The following CSMD1 variants were observed in gnomAD, a reference collection of about 807,000 sequenced individuals.
The protein encoded by CSMD1 is CUB and sushi domain-containing protein 1.
In CSMD1, 213 loss-of-function variants were observed where a neutral mutation model predicts 417.5. That is an observed-to-expected ratio of 0.51 (90% CI 0.46 to 0.57). The LOEUF is 0.57. Among genes scored for constraint, CSMD1 ranks in the 20% least tolerant of loss-of-function variants. The pLI is 0.00. For missense variants in CSMD1, 6,923 were observed against 4,529.7 expected, an observed-to-expected ratio of 1.53 and a Z score of -15.17; for synonymous variants, 2,862 against 1,736.8, an observed-to-expected ratio of 1.65 and a Z score of -16.11.
intron 2 of CSMD1, among the ~76,000 whole-genome samples, chr8:4,446,299 C>G (rs528682832): frequency 6.6e-6 from 1 of 152,164 alleles, no homozygotes; most frequent in Non-Finnish European, 1.5e-5. Flanking sequence ...CGTAATCCTG[C>G]TTCTTTGGGA....
intron 1 of CSMD1, among the ~76,000 whole-genome samples, chr8:4,956,709 A>G (rs918797673): frequency 6.6e-6 from 1 of 152,154 alleles, no homozygotes; most frequent in Non-Finnish European, 1.5e-5. Flanking sequence ...GATGAACTTA[A>G]TGTTCCAACA....
Position 4,746,388 on chromosome 8 carries a change from G to A in CSMD1, c.86-108830C>T, listed in dbSNP as rs1563277723. Among the ~76,000 whole-genome samples, 6 of 152,284 alleles carry A rather than the reference G, an allele frequency of 3.9e-5. 1 individual carries two copies. The highest frequency in any genetic ancestry group is 3.9e-4 in the Admixed American group (6 of 15,296). On this transcript the variant is annotated intron_variant, in intron 1 of 69. Coordinates refer to ENST00000635120, the MANE Select transcript of CSMD1 (RefSeq NM_033225.6). ...AAGCGTTAGTCCTTTTCATTATCCTGCAAATCTCATTTTAAGGCAAATGCA... is the reference window on the plus strand; with the variant it reads ...AAGCGTTAGTCCTTTTCATTATCCTACAAATCTCATTTTAAGGCAAATGCA...
In CSMD1 at chr8:4,131,095, G is replaced by A. The variant is rs568089221; in HGVS notation, c.416-98996C>T. ...CCTCAGAGAAGTGTGATTTCTAACTGCTGTTAAAAGGAGAACCACTGCTTA... is the reference window on the plus strand; with the variant it reads ...CCTCAGAGAAGTGTGATTTCTAACTACTGTTAAAAGGAGAACCACTGCTTA... On this transcript the variant is annotated intron_variant, in intron 3 of 69. Coordinates refer to ENST00000635120, the MANE Select transcript of CSMD1 (RefSeq NM_033225.6). Among the ~76,000 whole-genome samples the A allele has an allele frequency of 8.6e-4, 131 of 152,264 alleles. 1 individual carries two copies. Among genetic ancestry groups the A allele is most frequent in the Non-Finnish European group, 1.5e-3 (103 of 68,030 alleles).
chr8:3,689,040 A>G (rs1275201101), intron 7 of CSMD1, among the ~76,000 whole-genome samples: 1 of 152,222 alleles, frequency 6.6e-6, no homozygotes, highest in Non-Finnish European at 1.5e-5. Context: ...GCAGGAATCT[A>G]AGGGTCATCT....
At chr8:3,888,523 C>T (rs1806722145) in intron 5 of CSMD1, among the ~76,000 whole-genome samples, 1 of 152,134 alleles carries the variant, frequency 6.6e-6, no homozygotes, top group African/African-American at 2.4e-5. Context: ...TTGCTGGCTC[C>T]CCCATCTGAC....
chr8:3,526,534 G>A (rs1460229010), intron 10 of CSMD1, among the ~76,000 whole-genome samples: 1 of 152,164 alleles, frequency 6.6e-6, no homozygotes, highest in East Asian at 1.9e-4. Context: ...AAGCTCCCAG[G>A]AATGGGAACG....
rs1255448814 is a variant in CSMD1 at position 3,434,978 on chromosome 8, C to CCAGGGAGCTGGTAGCAGACAGGA, written c.1562-25396_1562-25374dup. 3.9e-4 allele frequency among the ~76,000 whole-genome samples: 60 copies of CCAGGGAGCTGGTAGCAGACAGGA among 152,252 alleles called. 1 individual carries two copies. The highest frequency in any genetic ancestry group is 7.4e-5 in the Non-Finnish European group (5 of 68,010). On this transcript the variant is annotated intron_variant, in intron 12 of 69. Transcript: ENST00000635120. Reference sequence around the variant, plus strand: ...GTTCACAGTGGATCCATTTATCCCCCCAGGGAGCTGGTAGCAGACAGGACA... The same window carrying CCAGGGAGCTGGTAGCAGACAGGA: ...GTTCACAGTGGATCCATTTATCCCCCCAGGGAGCTGGTAGCAGACAGGACAGGGAGCTGGTAGCAGACAGGACA...
intron 1 of CSMD1, among the ~76,000 whole-genome samples, chr8:4,794,673 A>C (rs886553432): frequency 6.6e-6 from 1 of 152,100 alleles, no homozygotes; most frequent in African/African-American, 2.4e-5. Context: ...TCTTCTGCTG[A>C]CTGCTATTGG....
chr8:4,557,152 C>T (rs941015022), intron 2 of CSMD1, among the ~76,000 whole-genome samples: 1 of 152,100 alleles, frequency 6.6e-6, no homozygotes, highest in Non-Finnish European at 1.5e-5. Context: ...TTTGCTTTTC[C>T]TTCCTGCTTA....
At chr8:4,842,180 T>A (rs1406642188) in intron 1 of CSMD1, among the ~76,000 whole-genome samples, 1 of 152,104 alleles carries the variant, frequency 6.6e-6, no homozygotes, top group African/African-American at 2.4e-5. Flanking sequence ...CAGACACACA[T>A]GAAAAGAATT....
chr8:3,255,675 G>A (rs556992844), intron 26 of CSMD1, among the ~76,000 whole-genome samples: 2 of 152,328 alleles, frequency 1.3e-5, no homozygotes, highest in South Asian at 2.1e-4. Context: ...GCCATGCACG[G>A]GATATAATCT....
intron 2 of CSMD1, among the ~76,000 whole-genome samples, chr8:4,571,713 G>A (rs1161116109): frequency 1.3e-5 from 2 of 152,128 alleles, no homozygotes; most frequent in Admixed American, 1.3e-4. Flanking sequence ...GATCTGTCTA[G>A]TATTGACAGT....
At chr8:4,402,595 A>T (rs1804716329) in intron 3 of CSMD1, among the ~76,000 whole-genome samples, 1 of 152,144 alleles carries the variant, frequency 6.6e-6, no homozygotes, top group Admixed American at 6.5e-5. Flanking sequence ...GATGCTTTGA[A>T]TATTACATTA....
At chr8:4,445,399 G>T (rs775885633) in intron 2 of CSMD1, among the ~76,000 whole-genome samples, 4 of 151,990 alleles carry the variant, frequency 2.6e-5, no homozygotes, top group Non-Finnish European at 5.9e-5. Context: ...CTATGCTTTT[G>T]GATTATTCTA....
chr8:2,952,657 T>G (rs1170937244), intron 65 of CSMD1, among the ~76,000 whole-genome samples: 1 of 151,402 alleles, frequency 6.6e-6, no homozygotes, highest in East Asian at 1.9e-4. Flanking sequence ...TTTCCATTAC[T>G]AAAATTAATA....
rs1259612632 is a variant in CSMD1, at chr8:2,998,188, TAG to T, written c.8204-6_8204-5del. 2.5e-6 allele frequency: 4 copies of T among 1,613,508 alleles called. No individual in the cohort carries two copies. In the African/African-American group the frequency reaches 4.0e-5, roughly 16 times the overall value. ...CCAGGGTGACCACATGTGATGGCTG[TAG>T]AGAGACAGGTCAACGTCATTGTTAA... On this transcript the variant is annotated splice_region_variant and splice_polypyrimidine_tract_variant and intron_variant, in intron 53 of 69. Transcript: ENST00000635120.
At chr8:4,081,802 G>A (rs1374123632) in intron 3 of CSMD1, among the ~76,000 whole-genome samples, 3 of 151,774 alleles carry the variant, frequency 2.0e-5, no homozygotes, top group African/African-American at 7.3e-5. Context: ...AATACACAAT[G>A]GATCAAATAA....
intron 3 of CSMD1, among the ~76,000 whole-genome samples, chr8:4,101,536 TA>T (rs1198532728): frequency 6.6e-6 from 1 of 152,182 alleles, no homozygotes; most frequent in Non-Finnish European, 1.5e-5. Flanking sequence ...GAAACATACC[TA>T]AAAAATTATG....
At chr8:3,456,712 C>T (rs6998449) in intron 12 of CSMD1, among the ~76,000 whole-genome samples, 18,598 of 151,978 alleles carry the variant, frequency 0.12, 2,078 homozygotes, top group East Asian at 0.35. Flanking sequence ...CCCATAAAGA[C>T]GAAATATTTG....
Sources: gnomAD v4.1 joint callset for allele counts (sites outside exome capture counted in the v4.1 genomes callset) on GRCh38, gnomAD v4.1.1 for gene constraint, MANE v1.5 for transcripts, NCBI Gene and HGNC (gene_info 2026-07-23, HGNC 2026-07-21) for gene names.